Variants in DPYSL3 observed in about 807,000 individuals in gnomAD.
The protein encoded by DPYSL3 is dihydropyrimidinase like 3, also known as dihydropyrimidinase-related protein 3.
A neutral mutation model predicts 66.1 loss-of-function variants in DPYSL3; 16 were observed. The observed-to-expected ratio is 0.24, with a 90% CI of 0.16 to 0.37. The LOEUF is 0.37. Ranked by LOEUF, DPYSL3 falls within the 10% of genes least tolerant of loss-of-function variation. The pLI is 1.00. For missense variants in DPYSL3, 738 were observed against 916.2 expected (o/e 0.81, Z 2.51); for synonymous variants, 338 against 345.1 (o/e 0.98, Z 0.23).
intron 1 of DPYSL3, among the ~76,000 whole-genome samples, chr5:147,437,122 G>A (rs866946190): frequency 6.6e-6 from 1 of 152,146 alleles, no homozygotes; most frequent in Non-Finnish European, 1.5e-5. Flanking sequence ...GATCCCCTTC[G>A]CCTTTCCAAG....
chr5:147,475,864 G>T (rs6867768), intron 1 of DPYSL3, among the ~76,000 whole-genome samples: 2,580 of 152,180 alleles, frequency 0.017, 67 homozygotes, highest in African/African-American at 0.059. Context: ...TTAAGATCAT[G>T]ATCACAAAGT....
rs1359806305 is a variant in DPYSL3, at chr5:147,509,065, C to T, written c.381+413G>A. ...TTCCCAGCATCACTTTGCCCTCTGC[C>T]GTGGTGACCCGGGTTGAGATTTAAT... On this transcript the variant is annotated intron_variant, in intron 1 of 13. Transcript: ENST00000343218. This position sits in a 1 kb window ranked among gnomAD's most constrained non-coding sequence, Gnocchi z 5.3. Among the ~76,000 whole-genome samples the T allele has an allele frequency of 6.6e-6, 1 of 152,106 alleles. No homozygotes were observed. Among genetic ancestry groups the T allele is most frequent in the East Asian group, 1.9e-4 (1 of 5,160 alleles).
At chr5:147,475,317 T>C (rs2126428179) in intron 1 of DPYSL3, among the ~76,000 whole-genome samples, 1 of 152,274 alleles carries the variant, frequency 6.6e-6, no homozygotes, top group East Asian at 1.9e-4. Context: ...GATGTGACCA[T>C]TGGCAAAAGA....
chr5:147,395,755 C>A, intron 12 of DPYSL3, 34 bp from the exon 13 acceptor site: 1 of 1,610,824 alleles, frequency 6.2e-7, no homozygotes, highest in South Asian at 1.1e-5. Flanking sequence ...ACCATTCATT[C>A]ATTCAGCATT....
intron 1 of DPYSL3, among the ~76,000 whole-genome samples, chr5:147,441,732 A>T (rs1028411939): frequency 2.0e-5 from 3 of 152,178 alleles, no homozygotes; most frequent in Admixed American, 1.3e-4. Context: ...ACATTTTCTC[A>T]ATCATTCAAA....
In DPYSL3 at chr5:147,425,411, G is replaced by T. The variant is rs144445396; in HGVS notation, c.382-448C>A. Among the ~76,000 whole-genome samples the T allele has an allele frequency of 3.5e-4, 53 of 152,278 alleles. 1 individual carries two copies. The highest frequency in any genetic ancestry group is 1.1e-3 in the African/African-American group (47 of 41,564). The stretch of plus-strand genomic sequence containing the variant: ...CGTACAAGGAAAGAAGCTTTTAGAA[G>T]TATTTGCAATTACACGAGGGCATGC... On this transcript the variant is annotated intron_variant, in intron 1 of 13. Coordinates refer to ENST00000343218, the MANE Select transcript of DPYSL3 (RefSeq NM_001197294.2).
intron 1 of DPYSL3, among the ~76,000 whole-genome samples, chr5:147,428,750 A>G (rs904719577): frequency 6.6e-6 from 1 of 152,048 alleles, no homozygotes; most frequent in African/African-American, 2.4e-5. Flanking sequence ...ACATACAATG[A>G]GAACACATGG....
chr5:147,425,706 C>G (rs879294963), intron 1 of DPYSL3, among the ~76,000 whole-genome samples: 1 of 151,976 alleles, frequency 6.6e-6, no homozygotes, highest in Non-Finnish European at 1.5e-5. Context: ...ATTTGAGTTA[C>G]CCGACAGGAA....
chr5:147,464,946 C>A (rs1456669056), intron 1 of DPYSL3, among the ~76,000 whole-genome samples: 1 of 152,154 alleles, frequency 6.6e-6, no homozygotes, highest in Admixed American at 6.5e-5. Flanking sequence ...TGTTTGTAAT[C>A]CTAGCTCTTT....
intron 1 of DPYSL3, among the ~76,000 whole-genome samples, chr5:147,430,497 G>A (rs1302102536): frequency 7.4e-6 from 1 of 135,826 alleles, no homozygotes; most frequent in African/African-American, 2.8e-5. Context: ...GCAACAGAGT[G>A]AGACTCGGTC....
Position 147,415,690 on chromosome 5 carries a change from AC to A in DPYSL3, c.820+18del. On this transcript the variant is annotated intron_variant, in intron 4 of 13. Coordinates refer to ENST00000343218, the MANE Select transcript of DPYSL3 (RefSeq NM_001197294.2). ...AGAAGAAGCTAAGAGAGGAGGGAGG[AC>A]GGCATGTCCGGGCTCACCTTTGTCC... The A allele has an allele frequency of 6.2e-7, 1 of 1,610,092 alleles. No homozygotes were observed.
intron 13 of DPYSL3, among the ~76,000 whole-genome samples, chr5:147,395,240 A>G (rs770179603): frequency 2.0e-5 from 3 of 152,216 alleles, no homozygotes; most frequent in Non-Finnish European, 2.9e-5. Context: ...CTCATAGGCT[A>G]ATGCTGGAAA....
At chr5:147,497,896 TTCTC>T (rs34530065) in intron 1 of DPYSL3, among the ~76,000 whole-genome samples, 65 of 149,748 alleles carry the variant, frequency 4.3e-4, no homozygotes, top group East Asian at 2.9e-3. Flanking sequence ...CTTCCTTCCC[TTCTC>T]TCTCTCTCTC....
At chr5:147,472,492 T>C (rs1227469262) in intron 1 of DPYSL3, 2 of 152,200 alleles carry the variant, frequency 1.3e-5, no homozygotes, top group Non-Finnish European at 2.9e-5. Flanking sequence ...CCTCTTTGGG[T>C]TGATGATCAA....
At chr5:147,408,846 G>T in intron 6 of DPYSL3, 50 bp from the exon 7 acceptor site, 1 of 1,573,238 alleles carries the variant, frequency 6.4e-7, no homozygotes, top group Non-Finnish European at 8.7e-7. Flanking sequence ...GTGAGATTTG[G>T]AAAAATTACG....
intron 1 of DPYSL3, among the ~76,000 whole-genome samples, chr5:147,480,040 ATT>A (rs1753212553): frequency 1.3e-5 from 2 of 152,060 alleles, no homozygotes; most frequent in Non-Finnish European, 2.9e-5. Flanking sequence ...ATACTCTTTG[ATT>A]TCTACTTGGC....
intron 1 of DPYSL3, among the ~76,000 whole-genome samples, chr5:147,494,709 CAAAAAAAA>C (rs35761170): frequency 3.6e-5 from 3 of 83,564 alleles, no homozygotes; most frequent in Non-Finnish European, 4.8e-5. Context: ...ACGAAAAATA[CAAAAAAAA>C]AAAAAAAAAA....
At chr5:147,465,375 T>C (rs978538049) in intron 1 of DPYSL3, among the ~76,000 whole-genome samples, 14 of 152,166 alleles carry the variant, frequency 9.2e-5, no homozygotes, top group African/African-American at 3.4e-4. Flanking sequence ...TCTTGGCTCA[T>C]TGCAAATTCC....
intron 1 of DPYSL3, among the ~76,000 whole-genome samples, chr5:147,428,905 A>T (rs1378141037): frequency 6.6e-6 from 1 of 152,112 alleles, no homozygotes; most frequent in Non-Finnish European, 1.5e-5. Context: ...CCACCATGGC[A>T]CATGTTTACC....
Sources: gnomAD v4.1 joint callset for allele counts (sites outside exome capture counted in the v4.1 genomes callset) on GRCh38, gnomAD v4.1.1 for gene constraint, Gnocchi (gnomAD v3.1) non-coding constraint, MANE v1.5 for transcripts, NCBI Gene and HGNC (gene_info 2026-07-23, HGNC 2026-07-21) for gene names.